Variants in DNAH1 observed in about 807,000 individuals in gnomAD.
DNAH1 encodes the protein axonemal beta dynein heavy chain 1.
DNAH1 carries 327 observed loss-of-function variants against 484.3 expected under a neutral mutation model. The ratio of observed to expected loss-of-function variants is 0.68; its 90% CI spans 0.62 to 0.74. The LOEUF (loss-of-function observed/expected upper bound fraction) is 0.74. Ranked by LOEUF, DNAH1 falls within the 30% of genes least tolerant of loss-of-function variation. The pLI is 0.00. For synonymous variants in DNAH1, 2,192 were observed against 2,191.9 expected, an observed-to-expected ratio of 1.00 and a Z score of 0.00; for missense variants, 5,052 against 5,546.8, an observed-to-expected ratio of 0.91 and a Z score of 2.83.
chr3:52,326,462 C>A, intron 4 of DNAH1, 148 bp downstream of exon 4: 2 of 1,117,636 alleles, frequency 1.8e-6, no homozygotes, highest in Non-Finnish European at 2.5e-6. Context: ...CCTTTGGTGT[C>A]TTAATAGGAA....
chr3:52,386,121 G>A (rs1578188507), intron 54 of DNAH1, 39 bp from the exon 55 acceptor site: 1 of 1,581,674 alleles, frequency 6.3e-7, no homozygotes, highest in Admixed American at 1.8e-5. Context: ...GCAGAGAAGA[G>A]AAAAGGGGGG....
chr3:52,360,656 G>T (rs1045143279), intron 28 of DNAH1, among the ~76,000 whole-genome samples: 1 of 152,192 alleles, frequency 6.6e-6, no homozygotes, highest in Non-Finnish European at 1.5e-5. Flanking sequence ...GCCTCCTCAC[G>T]GTGGTAATGA....
intron 22 of DNAH1, among the ~76,000 whole-genome samples, chr3:52,357,405 T>C (rs749575515): frequency 1.3e-5 from 2 of 152,182 alleles, no homozygotes; most frequent in Non-Finnish European, 2.9e-5. Flanking sequence ...GCAAACTCTT[T>C]AGCTTTGTTT....
chr3:52,399,263 C>T (rs1704791284), intron 76 of DNAH1, 62 bp downstream of exon 76: 2 of 1,492,270 alleles, frequency 1.3e-6, no homozygotes, highest in South Asian at 2.6e-5. Context: ...GGAGGAGAGG[C>T]TCTGAGGCCA....
rs1281186930 is a variant in DNAH1, at chr3:52,388,180, A to T, written c.9017A>T (p.Asp3006Val). 14 of 1,609,316 alleles carry T rather than the reference A, an allele frequency of 8.7e-6. No individual in the cohort carries two copies. Among genetic ancestry groups the T allele is most frequent in the Non-Finnish European group, 1.2e-5 (14 of 1,178,094 alleles). The change falls in exon 57 of 78, where the codon GAT becomes GTT. Residue 3006 changes from aspartate (D) to valine (V), a missense_variant. This residue lies in a region of DNAH1 where 2,929 missense variants were observed against 3,409.4 expected (regional missense o/e 0.86). Coordinates refer to ENST00000420323, the MANE Select transcript of DNAH1 (RefSeq NM_015512.5). Reference protein sequence around the residue: ...LFKFDKDNIGDVVIKAIQPYI... With the variant: ...LFKFDKDNIGVVVIKAIQPYI... Reference sequence around the variant, plus strand: ...TTCCCACCTCAGGACAACATTGGGGATGTGGTGATCAAAGCCATCCAGCCG... The same window carrying T: ...TTCCCACCTCAGGACAACATTGGGGTTGTGGTGATCAAAGCCATCCAGCCG...
At chr3:52,345,423 C>A in intron 9 of DNAH1, 72 bp from the exon 10 acceptor site, 1 of 1,319,020 alleles carries the variant, frequency 7.6e-7, no homozygotes, top group Non-Finnish European at 1.1e-6. Context: ...TTCAAGCACC[C>A]TGTGGATCTG....
Position 52,378,588 on chromosome 3 carries a change from T to C in DNAH1, c.7199-14T>C, listed in dbSNP as rs199956248. The stretch of plus-strand genomic sequence containing the variant: ...TCCTGGCATGTGACCCAGGCCATTC[T>C]CCTATTCCCCCAGCTGGGGCCCCCC... On this transcript the variant is annotated splice_polypyrimidine_tract_variant and intron_variant, in intron 46 of 77. Transcript: ENST00000420323. The C allele has an allele frequency of 5.5e-5, 88 of 1,612,812 alleles. No homozygotes were observed. Among genetic ancestry groups the C allele is most frequent in the Non-Finnish European group, 7.3e-5 (86 of 1,179,610 alleles).
chr3:52,397,056 C>T lies in DNAH1; in HGVS notation c.11787+12C>T. 6.3e-7 allele frequency: 1 copy of T among 1,590,762 alleles called. No individual in the cohort carries two copies. The highest frequency in any genetic ancestry group is 8.6e-7 in the Non-Finnish European group (1 of 1,168,538). On this transcript the variant is annotated intron_variant, in intron 73 of 77. Transcript: ENST00000420323. ...CCTACGACCTCCACGTGAGTCCAGC[C>T]CAAAGGGCTGCACAGGAGGGGCCTG...
At chr3:52,357,544 T>C in intron 22 of DNAH1, 70 bp from the exon 23 acceptor site, 1 of 1,547,284 alleles carries the variant, frequency 6.5e-7, no homozygotes, top group Non-Finnish European at 8.8e-7. Flanking sequence ...GTGGGTGCTC[T>C]GGGATGAGCC....
At chr3:52,373,885 C>T in intron 44 of DNAH1, 2 of 1,394,368 alleles carry the variant, frequency 1.4e-6, no homozygotes, top group Non-Finnish European at 2.0e-6. Flanking sequence ...ATATTACCAC[C>T]TTCCTCCAAT....
the DNAH1 span, among the ~76,000 whole-genome samples, chr3:52,311,155 G>T: frequency 6.6e-6 from 1 of 152,212 alleles, no homozygotes; most frequent in Admixed American, 6.5e-5. Flanking sequence ...GTTGAGTCCT[G>T]CTGGCAAGGC....
At position 52,331,007 on chromosome 3, in the gene DNAH1, G is replaced by C. The variant is rs1332572016; in HGVS notation, c.872-141G>C. ...AGGAAGCAGGGCCCTGGCTCTGCTG[G>C]AGCAGAGGGGGGCATCCCAGCGGGA... On this transcript the variant is annotated intron_variant, in intron 6 of 77. Transcript: ENST00000420323. The C allele has an allele frequency of 4.7e-6, 5 of 1,069,702 alleles. No individual in the cohort carries two copies. The Admixed American group carries it at 8.6e-5, about 18-fold the overall frequency. 66.3% of individuals were successfully genotyped at this position (1,069,702 alleles called of 1,614,324 possible).
chr3:52,385,518 GCT>G (rs1174159204), intron 54 of DNAH1, 71 bp downstream of exon 54: 2 of 1,289,040 alleles, frequency 1.6e-6, no homozygotes, highest in Non-Finnish European at 2.2e-6. Flanking sequence ...ACAGGCGCAG[GCT>G]CGCTAGCTGC....
chr3:52,398,497 C>T (rs1378862679), intron 75 of DNAH1, among the ~76,000 whole-genome samples: 1 of 152,164 alleles, frequency 6.6e-6, no homozygotes, highest in African/African-American at 2.4e-5. Flanking sequence ...ACCATGTTGG[C>T]CAGGATGGTC....
At chr3:52,349,625 C>T (rs1001627872) in intron 14 of DNAH1, among the ~76,000 whole-genome samples, 1 of 152,214 alleles carries the variant, frequency 6.6e-6, no homozygotes, top group South Asian at 2.1e-4. Context: ...TCCCAGGAAA[C>T]GGGGGTTTCC....
upstream of DNAH1, among the ~76,000 whole-genome samples, chr3:52,314,572 A>G (rs913538576): frequency 6.6e-6 from 1 of 152,212 alleles, no homozygotes; most frequent in African/African-American, 2.4e-5. Context: ...ACGCATGGGC[A>G]GGGCTGCTGA....
intron 75 of DNAH1, 30 bp from the exon 76 acceptor site, chr3:52,398,820 C>T (rs201670555): frequency 2.4e-4 from 362 of 1,484,486 alleles, no homozygotes; most frequent in Non-Finnish European, 2.9e-4. Flanking sequence ...CCCCAGCCCA[C>T]TACCTATTCT....
At chr3:52,378,579 A>T in intron 46 of DNAH1, 23 bp from the exon 47 acceptor site, 3 of 1,612,124 alleles carry the variant, frequency 1.9e-6, no homozygotes, top group Non-Finnish European at 2.5e-6. Context: ...CATGTGACCC[A>T]GGCCATTCTC....
chr3:52,353,157 A>ACT lies in DNAH1; in HGVS notation c.3083_3084insTC (p.Thr1029ProfsTer14). 6.2e-7 allele frequency: 1 copy of ACT among 1,613,948 alleles called. No homozygotes were observed. On this transcript the variant is annotated frameshift_variant, in exon 19 of 78. Transcript: ENST00000420323. LOFTEE classifies it high-confidence loss of function. This position sits in a 1 kb window ranked among gnomAD's most constrained non-coding sequence, Gnocchi z 5.0. The stretch of plus-strand genomic sequence containing the variant: ...GTTCCAACCCTACCTGGACCTTTGG[A>ACT]CCACAGCGTCTGACTGGCTGCGCTG...
Sources: allele counts gnomAD v4.1 joint callset (sites outside exome capture counted in the v4.1 genomes callset), GRCh38; gene constraint gnomAD v4.1.1; regional missense constraint gnomAD v4.1.1; non-coding constraint Gnocchi (gnomAD v3.1); transcripts MANE v1.5; gene names NCBI Gene and HGNC (gene_info 2026-07-23, HGNC 2026-07-21).